SPATS2: variants seen among roughly 807,000 people sequenced by gnomAD.
SPATS2 encodes the protein spermatogenesis-associated serine-rich protein 2.
A neutral mutation model predicts 63.7 loss-of-function variants in SPATS2; 38 were observed. The ratio of observed to expected loss-of-function variants is 0.60; its 90% CI spans 0.46 to 0.78. The LOEUF is 0.78. SPATS2 is among the 30% of genes least tolerant of loss of function. The pLI is 0.00. For missense variants in SPATS2, 588 were observed against 666.2 expected (o/e 0.88, Z 1.29); for synonymous variants, 207 against 232.9 (o/e 0.89, Z 1.01).
chr12:49,446,494 T>C (rs903131384), intron 2 of SPATS2, among the ~76,000 whole-genome samples: 1 of 152,236 alleles, frequency 6.6e-6, no homozygotes, highest in Admixed American at 6.5e-5. Flanking sequence ...CATGTGGCTG[T>C]AGGACTGAGG....
Position 49,505,934 on chromosome 12 carries a change from A to C in SPATS2, c.839+5729A>C, listed in dbSNP as rs182624702. Reference sequence around the variant, plus strand: ...ACAGTTCCCTACTTATGATGGTTCAACTTAATAATTTTCCAACTTTATGAT... The same window carrying C: ...ACAGTTCCCTACTTATGATGGTTCACCTTAATAATTTTCCAACTTTATGAT... On this transcript the variant is annotated intron_variant, in intron 9 of 13. Transcript: ENST00000552918. Among the ~76,000 whole-genome samples the C allele has an allele frequency of 4.3e-3, 659 of 152,320 alleles. 4 individuals carry two copies. Among genetic ancestry groups the C allele is most frequent in the South Asian group, 8.5e-3 (41 of 4,826 alleles).
At chr12:49,458,685 C>T (rs1328991194) in intron 2 of SPATS2, among the ~76,000 whole-genome samples, 1 of 149,832 alleles carries the variant, frequency 6.7e-6, no homozygotes, top group Non-Finnish European at 1.5e-5. Flanking sequence ...GAGCCTGAGG[C>T]GGAAGAAATG....
rs564573891 is a variant in SPATS2 at position 49,410,432 on chromosome 12, C to T, written c.-244+39142C>T. 5.1e-4 allele frequency among the ~76,000 whole-genome samples: 78 copies of T among 152,196 alleles called. 1 individual carries two copies. In the South Asian group the frequency reaches 5.8e-3, roughly 11 times the overall value. On this transcript the variant is annotated intron_variant, in intron 2 of 13. Coordinates refer to ENST00000552918, the MANE Select transcript of SPATS2 (RefSeq NM_023071.4). ...TGTATCTGAAAAAAAGTTGAATATA[C>T]CCTAGCCACTTTGTTAGGCACTGGG...
At chr12:49,378,435 C>G (rs952190727) in intron 2 of SPATS2, among the ~76,000 whole-genome samples, 1 of 151,506 alleles carries the variant, frequency 6.6e-6, no homozygotes, top group Admixed American at 6.6e-5. Flanking sequence ...GTAGCTGGGA[C>G]TACAGGCGCA....
At position 49,516,166 on chromosome 12, in the gene SPATS2, AAT is replaced by A. The variant is rs869230532; in HGVS notation, c.898+1595_898+1596del. 2.3e-3 allele frequency among the ~76,000 whole-genome samples: 71 copies of A among 30,824 alleles called. 1 individual carries two copies. The highest frequency in any genetic ancestry group is 8.4e-3 in the East Asian group (7 of 836). The allele number at this position is 30,824 out of a possible 152,430, so 20.2% of individuals were successfully genotyped here. ...AAAAAAAAAAAAAAAAAAAAAAAAA[AAT>A]ATATATATATATATATATATATATA... On this transcript the variant is annotated intron_variant, in intron 10 of 13. Coordinates refer to ENST00000552918, the MANE Select transcript of SPATS2 (RefSeq NM_023071.4).
intron 2 of SPATS2, among the ~76,000 whole-genome samples, chr12:49,381,230 A>G (rs1162526060): frequency 6.6e-6 from 1 of 152,146 alleles, no homozygotes. Context: ...CCCAATTTCA[A>G]ATTGGCTTGT....
rs1946438526 is a variant in SPATS2 at position 49,494,846 on chromosome 12, TC to T, written c.371del (p.Ser124Ter). The part of the protein sequence containing the change: ...SIQEEQSAPS[S>X]EKGGMNGYHV... ...TCAAGAGGAACAGTCTGCGCCTTCC[TC>T]AGAGAAAGGTGGTATGAATGGCTAC... is the stretch of plus-strand genomic sequence containing the variant. On this transcript the variant is annotated frameshift_variant, in exon 7 of 14. Transcript: ENST00000552918. LOFTEE classifies it high-confidence loss of function. 6.2e-7 allele frequency: 1 copy of T among 1,613,814 alleles called. No individual in the cohort carries two copies.
chr12:49,456,702 G>A (rs559186582), intron 2 of SPATS2, among the ~76,000 whole-genome samples: 2 of 152,324 alleles, frequency 1.3e-5, no homozygotes, highest in Admixed American at 1.3e-4. Context: ...TATTTTAAAG[G>A]TAGAACACAT....
At chr12:49,411,706 G>A (rs1013718683) in intron 2 of SPATS2, among the ~76,000 whole-genome samples, 3 of 152,090 alleles carry the variant, frequency 2.0e-5, no homozygotes, top group East Asian at 1.9e-4. Flanking sequence ...TAATTAAACC[G>A]CTGCTAAATA....
chr12:49,526,244 G>A lies in SPATS2; in HGVS notation c.1627G>A (p.Val543Met), dbSNP rs763622101. The A allele has an allele frequency of 3.7e-5, 59 of 1,607,112 alleles. No homozygotes were observed. The highest frequency in any genetic ancestry group is 1.7e-4 in the Middle Eastern group (1 of 6,044). The change falls in exon 14 of 14, where the codon GTG becomes ATG. Residue 543 changes from valine to methionine, a missense_variant. Physicochemically the swap from Val to Met is conservative, Grantham distance 21. Coordinates refer to ENST00000552918, the MANE Select transcript of SPATS2 (RefSeq NM_023071.4). Reference sequence around the variant, plus strand: ...ACCCAGGACCTCTCAGACTGAAGCCGTGAACTCTTGAGAGAAAATCCAGTT... The same window carrying A: ...ACCCAGGACCTCTCAGACTGAAGCCATGAACTCTTGAGAGAAAATCCAGTT... ...RKPRTSQTEA[V>M]NS
intron 2 of SPATS2, among the ~76,000 whole-genome samples, chr12:49,440,083 T>C (rs1945390150): frequency 6.6e-6 from 1 of 152,252 alleles, no homozygotes; most frequent in Admixed American, 6.5e-5. Context: ...GCACCAAATG[T>C]TAACATCTTG....
intron 2 of SPATS2, among the ~76,000 whole-genome samples, chr12:49,393,051 A>C (rs1050226781): frequency 2.0e-5 from 3 of 151,868 alleles, no homozygotes; most frequent in African/African-American, 7.3e-5. Context: ...AACTCCATCC[A>C]AAAAAAATAG....
At chr12:49,492,203 C>CTTTTTT (rs1190951519) in intron 6 of SPATS2, among the ~76,000 whole-genome samples, 71 of 151,002 alleles carry the variant, frequency 4.7e-4, no homozygotes, top group Non-Finnish European at 9.5e-4. Flanking sequence ...ACACCAGTTT[C>CTTTTTT]TTTTTTTTCT....
intron 9 of SPATS2, among the ~76,000 whole-genome samples, chr12:49,512,595 A>G (rs1946770611): frequency 6.6e-6 from 1 of 152,238 alleles, no homozygotes; most frequent in African/African-American, 2.4e-5. Context: ...AAATTTCCAC[A>G]AAAAAGCCTG....
intron 2 of SPATS2, among the ~76,000 whole-genome samples, chr12:49,378,499 G>T (rs1296377196): frequency 6.6e-6 from 1 of 150,424 alleles, no homozygotes; most frequent in South Asian, 2.1e-4. Flanking sequence ...GGGTTTCACC[G>T]TTTTAGTCAG....
At chr12:49,510,992 A>G (rs1382678491) in intron 9 of SPATS2, among the ~76,000 whole-genome samples, 2 of 152,298 alleles carry the variant, frequency 1.3e-5, no homozygotes, top group African/African-American at 4.8e-5. Context: ...ACTTGAAGCC[A>G]GGAGTTTGAG....
chr12:49,442,138 C>A (rs1295550493), intron 2 of SPATS2, among the ~76,000 whole-genome samples: 1 of 152,140 alleles, frequency 6.6e-6, no homozygotes, highest in Admixed American at 6.5e-5. Context: ...AGCTGACACC[C>A]AAGATAGTCA....
intron 2 of SPATS2, among the ~76,000 whole-genome samples, chr12:49,458,103 C>A (rs1945751577): frequency 6.6e-6 from 1 of 152,170 alleles, no homozygotes; most frequent in Non-Finnish European, 1.5e-5. Flanking sequence ...TTCCTTCTTG[C>A]ATTGCATTTT....
intron 5 of SPATS2, among the ~76,000 whole-genome samples, chr12:49,489,819 G>T (rs990975724): frequency 6.6e-6 from 1 of 152,298 alleles, no homozygotes; most frequent in Non-Finnish European, 1.5e-5. Context: ...TATTTAAGAG[G>T]AAATCATGTG....
Sources: allele counts gnomAD v4.1 joint callset (sites outside exome capture counted in the v4.1 genomes callset), GRCh38; gene constraint gnomAD v4.1.1; transcripts MANE v1.5; gene names NCBI Gene and HGNC (gene_info 2026-07-23, HGNC 2026-07-21).